Variants in CTNNA3 observed in about 807,000 individuals in gnomAD.
CTNNA3 encodes the protein catenin alpha 3, also known as catenin alpha-3.
CTNNA3 carries 76 observed loss-of-function variants against 95.7 expected under a neutral mutation model. The observed-to-expected ratio is 0.79, with a 90% CI of 0.66 to 0.96. CTNNA3 has a LOEUF of 0.96. Among genes scored for constraint, CTNNA3 ranks in the 40% least tolerant of loss-of-function variants. The pLI, the probability that CTNNA3 is intolerant of heterozygous loss-of-function variation, is 0.00. For synonymous variants in CTNNA3, 431 were observed against 374.4 expected, an observed-to-expected ratio of 1.15 and a Z score of -1.74; for missense variants, 1,191 against 1,089.8, an observed-to-expected ratio of 1.09 and a Z score of -1.31.
At position 65,920,451 on chromosome 10, in the gene CTNNA3, T is replaced by C; in HGVS notation, c.2567A>G (p.Lys856Arg). ...TGGCTTCTCTCTTTTAATCAAGGGT[T>C]TTTTTGCAGGAGCCTTCATTCTCCA... ...VMWRMKAPAKKPLIKREKPEE... is the reference protein window; with the variant it reads ...VMWRMKAPAKRPLIKREKPEE... Residue 856 changes from lysine to arginine, a missense_variant, in exon 18 of 18, where the codon AAA becomes AGA. Lys to Arg is a conservative substitution (Grantham distance 26, BLOSUM62 2). Coordinates refer to ENST00000433211, the MANE Select transcript of CTNNA3 (RefSeq NM_013266.4). 6.2e-7 allele frequency: 1 copy of C among 1,614,148 alleles called. No individual in the cohort carries two copies. Among genetic ancestry groups the C allele is most frequent in the East Asian group, 2.2e-5 (1 of 44,882 alleles).
chr10:66,251,294 G>A (rs1403904462), intron 13 of CTNNA3, among the ~76,000 whole-genome samples: 1 of 103,860 alleles, frequency 9.6e-6, no homozygotes, highest in Non-Finnish European at 2.1e-5. Context: ...AAATGATTAA[G>A]ATTATACCTT....
intron 5 of CTNNA3, among the ~76,000 whole-genome samples, chr10:67,498,650 A>G (rs1839117987): frequency 6.6e-6 from 1 of 152,144 alleles, no homozygotes; most frequent in Admixed American, 6.6e-5. Flanking sequence ...GGTCCTTCAC[A>G]TCCCTTGTAA....
intron 6 of CTNNA3, among the ~76,000 whole-genome samples, chr10:67,210,377 ATTCT>A (rs1423409588): frequency 6.6e-6 from 1 of 152,158 alleles, no homozygotes; most frequent in Non-Finnish European, 1.5e-5. Flanking sequence ...TAAAAAGAAA[ATTCT>A]TTACAGAGAA....
At chr10:65,974,712 T>A (rs2078177812) in intron 16 of CTNNA3, among the ~76,000 whole-genome samples, 1 of 152,014 alleles carries the variant, frequency 6.6e-6, no homozygotes. Context: ...ACCCACTGAA[T>A]CTAAATAAAA....
At chr10:67,628,658 C>T (rs183393306) in intron 2 of CTNNA3, among the ~76,000 whole-genome samples, 136 of 152,072 alleles carry the variant, frequency 8.9e-4, no homozygotes, top group Non-Finnish European at 1.3e-3. Flanking sequence ...ATTTATATGG[C>T]TATCTTGTTA....
chr10:66,651,800 G>GGCCCTTGATCGCGGCACACAGCAGT (rs138035312), intron 9 of CTNNA3, among the ~76,000 whole-genome samples: 7 of 151,348 alleles, frequency 4.6e-5, no homozygotes, highest in African/African-American at 9.7e-5. Flanking sequence ...AACCCGCATT[G>GGCCCTTGATCGCGGCACACAGCAGT]GCCGGTTCCC....
Position 66,504,539 on chromosome 10 carries a change from T to G in CTNNA3, c.1531+16078A>C, listed in dbSNP as rs538532369. 3.2e-4 allele frequency among the ~76,000 whole-genome samples: 48 copies of G among 152,296 alleles called. 1 individual carries two copies. The highest frequency in any genetic ancestry group is 1.1e-3 in the African/African-American group (47 of 41,572). On this transcript the variant is annotated intron_variant, in intron 11 of 17. Coordinates refer to ENST00000433211, the MANE Select transcript of CTNNA3 (RefSeq NM_013266.4). ...GCCCCTTCAGCTCTAGCTGAAATCTTTGTTCTCTCACAATGCCCAGGAACA... is the reference window on the plus strand; with the variant it reads ...GCCCCTTCAGCTCTAGCTGAAATCTGTGTTCTCTCACAATGCCCAGGAACA...
At chr10:67,048,488 G>A (rs1854885198) in intron 7 of CTNNA3, among the ~76,000 whole-genome samples, 1 of 151,986 alleles carries the variant, frequency 6.6e-6, no homozygotes, top group East Asian at 1.9e-4. Flanking sequence ...ATGCAAAATA[G>A]GAATACAGGA....
intron 9 of CTNNA3, among the ~76,000 whole-genome samples, chr10:66,651,618 C>T (rs867579374): frequency 9.2e-5 from 14 of 151,510 alleles, no homozygotes; most frequent in East Asian, 2.0e-4. Context: ...TGCTGGGAGA[C>T]GGCTGAGGCC....
chr10:67,471,131 C>G (rs78898720), intron 5 of CTNNA3, among the ~76,000 whole-genome samples: 2,583 of 152,138 alleles, frequency 0.017, 78 homozygotes, highest in African/African-American at 0.057. Flanking sequence ...CCAGCCAAGA[C>G]CTTTAGTCTT....
chr10:66,253,286 T>C (rs1052328435), intron 13 of CTNNA3, among the ~76,000 whole-genome samples: 1 of 152,112 alleles, frequency 6.6e-6, no homozygotes, highest in Non-Finnish European at 1.5e-5. Context: ...TAATATTCTA[T>C]GTAATGGCCA....
At chr10:67,282,596 T>A (rs1839442645) in intron 5 of CTNNA3, among the ~76,000 whole-genome samples, 1 of 152,238 alleles carries the variant, frequency 6.6e-6, no homozygotes, top group Non-Finnish European at 1.5e-5. Context: ...ACAAATTACA[T>A]CTTTAAACAT....
intron 11 of CTNNA3, among the ~76,000 whole-genome samples, chr10:66,416,113 A>C (rs2093143846): frequency 7.0e-6 from 1 of 142,316 alleles, no homozygotes; most frequent in Non-Finnish European, 1.6e-5. Flanking sequence ...GTGATAGATA[A>C]CGTAGAAAAG....
intron 17 of CTNNA3, among the ~76,000 whole-genome samples, chr10:65,960,536 A>G (rs570634496): frequency 4.6e-5 from 7 of 151,908 alleles, no homozygotes; most frequent in Non-Finnish European, 1.0e-4. Context: ...ACAACAAAAA[A>G]AAAGATTCAG....
chr10:66,621,408 G>T lies in CTNNA3; in HGVS notation c.1374+284C>A, dbSNP rs183221453. ...GGAGGCCGAGGTGGGCAGATCACTT[G>T]AGGTCAGGAGTTCGAGACCAGCCTG... is the stretch of plus-strand genomic sequence containing the variant. On this transcript the variant is annotated intron_variant, in intron 10 of 17. Transcript: ENST00000433211. Among the ~76,000 whole-genome samples, 1,746 of 152,054 alleles carry T rather than the reference G, an allele frequency of 0.011. 39 individuals carry two copies. The highest frequency in any genetic ancestry group is 0.039 in the African/African-American group (1,635 of 41,498).
chr10:67,389,818 A>G (rs1051140887), intron 5 of CTNNA3, among the ~76,000 whole-genome samples: 6 of 152,156 alleles, frequency 3.9e-5, no homozygotes, highest in Admixed American at 3.3e-4. Context: ...TACTGGGTAC[A>G]TAAGAAATGA....
intron 7 of CTNNA3, among the ~76,000 whole-genome samples, chr10:67,061,626 G>C (rs575490264): frequency 6.6e-6 from 1 of 152,294 alleles, no homozygotes; most frequent in South Asian, 2.1e-4. Context: ...AGAAGAGAAA[G>C]GATGTTCCAC....
chr10:66,091,330 C>A (rs2081205244), intron 14 of CTNNA3, among the ~76,000 whole-genome samples: 1 of 151,710 alleles, frequency 6.6e-6, no homozygotes, highest in African/African-American at 2.4e-5. Flanking sequence ...TAGGAGCTAC[C>A]CTATTTATTC....
At position 66,218,814 on chromosome 10, in the gene CTNNA3, G is replaced by C. The variant is rs1360304084; in HGVS notation, c.1884+61656C>G. On this transcript the variant is annotated intron_variant, in intron 13 of 17. Transcript: ENST00000433211. Reference sequence around the variant, plus strand: ...TCTAAAGATTTTGAGAAGACTGCTAGTGATATCTTAAAGAGCCTTTTACAC... The same window carrying C: ...TCTAAAGATTTTGAGAAGACTGCTACTGATATCTTAAAGAGCCTTTTACAC... 4.6e-5 allele frequency among the ~76,000 whole-genome samples: 7 copies of C among 152,314 alleles called. No homozygotes were observed. The South Asian group carries it at 1.0e-3, about 23-fold the overall frequency.
Sources: gnomAD v4.1 joint callset for allele counts (sites outside exome capture counted in the v4.1 genomes callset) on GRCh38, gnomAD v4.1.1 for gene constraint, MANE v1.5 for transcripts, NCBI Gene and HGNC (gene_info 2026-07-23, HGNC 2026-07-21) for gene names.